PARPBP: variants seen among roughly 807,000 people sequenced by gnomAD.
The protein encoded by PARPBP is PCNA-interacting partner.
PARPBP carries 52 observed loss-of-function variants against 50.0 expected under a neutral mutation model. The observed-to-expected ratio is 1.04, with a 90% CI of 0.83 to 1.31. The LOEUF is 1.31. Ranked by LOEUF, PARPBP falls within the 50% of genes most tolerant of loss-of-function variation. PARPBP has a pLI of 0.00. For synonymous variants in PARPBP, 244 were observed against 232.1 expected (o/e 1.05, Z -0.47); for missense variants, 697 against 672.0 (o/e 1.04, Z -0.41).
chr12:102,129,827 T>G (rs1372911785), intron 2 of PARPBP, among the ~76,000 whole-genome samples: 1 of 152,110 alleles, frequency 6.6e-6, no homozygotes, highest in African/African-American at 2.4e-5. Context: ...CCAAAGCAAT[T>G]TATATATTTA....
chr12:102,124,012 C>T lies in PARPBP; in HGVS notation c.124C>T (p.Gln42Ter). Residue 42 changes from glutamine (Q) to a stop codon, truncating the protein, a stop_gained, in exon 2 of 11, where the codon CAG (glutamine) becomes TAG (stop). Coordinates refer to ENST00000327680, the MANE Select transcript of PARPBP (RefSeq NM_017915.5). LOFTEE classifies it high-confidence loss of function. ...TGCAGACTCCATGCTCTTGGCATTG[C>T]AGCTTTCTATGGCGGAGAACAACAA... ...CGADSMLLALQLSMAENNKQH... is the reference protein window; with the variant it reads ...CGADSMLLAL 25 of 1,535,240 alleles carry T rather than the reference C, an allele frequency of 1.6e-5. No homozygotes were observed. Among genetic ancestry groups the T allele is most frequent in the Non-Finnish European group, 2.2e-5 (25 of 1,146,246 alleles).
Position 102,148,354 on chromosome 12 carries a change from A to G in PARPBP, c.278A>G (p.Lys93Arg). Residue 93 changes from lysine to arginine, a missense_variant, in exon 3 of 11, where the codon AAG becomes AGG. Transcript: ENST00000327680. ...ACTGACCATTATGAGGACGTTAGGAAGATTTATGATGATTTCTTGAAGAAC... is the reference window on the plus strand; with the variant it reads ...ACTGACCATTATGAGGACGTTAGGAGGATTTATGATGATTTCTTGAAGAAC... ...DVTDHYEDVRKIYDDFLKNSN... is the reference protein window; with the variant it reads ...DVTDHYEDVRRIYDDFLKNSN... 1 of 1,589,106 alleles carries G rather than the reference A, an allele frequency of 6.3e-7. No homozygotes were observed. Among genetic ancestry groups the G allele is most frequent in the Non-Finnish European group, 8.6e-7 (1 of 1,157,536 alleles).
At chr12:102,163,027 A>T (rs954560601) in intron 4 of PARPBP, among the ~76,000 whole-genome samples, 1 of 152,152 alleles carries the variant, frequency 6.6e-6, no homozygotes, top group Non-Finnish European at 1.5e-5. Context: ...GTTTACTTTT[A>T]TAAAAGGTGT....
At chr12:102,148,713 C>T (rs558353997) in intron 3 of PARPBP, 9 of 308,410 alleles carry the variant, frequency 2.9e-5, no homozygotes, top group African/African-American at 1.7e-4. Flanking sequence ...TCAAAAATCC[C>T]TAACAAAGAA....
chr12:102,147,840 G>T (rs781334994), intron 2 of PARPBP, among the ~76,000 whole-genome samples: 1 of 151,624 alleles, frequency 6.6e-6, no homozygotes, highest in Non-Finnish European at 1.5e-5. Flanking sequence ...AAATAGATTC[G>T]CCAAAAGAAC....
intron 9 of PARPBP, among the ~76,000 whole-genome samples, chr12:102,193,418 A>G (rs1426107963): frequency 1.3e-5 from 2 of 151,940 alleles, no homozygotes; most frequent in Non-Finnish European, 1.5e-5. Context: ...ACATCTCCCA[A>G]GCTAACTCTA....
intron 2 of PARPBP, among the ~76,000 whole-genome samples, chr12:102,143,901 A>G (rs551822960): frequency 2.0e-5 from 3 of 152,330 alleles, no homozygotes; most frequent in African/African-American, 7.2e-5. Flanking sequence ...TGACTGTCAG[A>G]TTTGAAAATG....
In PARPBP at chr12:102,148,093, G is replaced by A. The variant is rs532198141; in HGVS notation, c.154-137G>A. Reference sequence around the variant, plus strand: ...CAAAATTGTCTCATAGTTCAACTTGGGTGTTCTCTTCAAACCCACAAAAAT... The same window carrying A: ...CAAAATTGTCTCATAGTTCAACTTGAGTGTTCTCTTCAAACCCACAAAAAT... On this transcript the variant is annotated intron_variant, in intron 2 of 10. Coordinates refer to ENST00000327680, the MANE Select transcript of PARPBP (RefSeq NM_017915.5). The A allele has an allele frequency of 1.8e-5, 8 of 454,086 alleles. No individual in the cohort carries two copies. The South Asian group carries it at 3.6e-4, about 21-fold the overall frequency. The allele number at this position is 454,086 out of a possible 1,614,324, so 28.1% of individuals were successfully genotyped here. A position where few individuals can be genotyped will look rare whatever the true frequency, so the allele number is the denominator to read the frequency against.
Position 102,196,697 on chromosome 12 carries a change from G to A in PARPBP, c.*406G>A. 2 of 1,606,722 alleles carry A rather than the reference G, an allele frequency of 1.2e-6. No individual in the cohort carries two copies. The highest frequency in any genetic ancestry group is 1.7e-6 in the Non-Finnish European group (2 of 1,174,194). Reference sequence around the variant, plus strand: ...GGTAGACTCTTCCCAGCATACATCTGAGCACTGAAGGAAGAAGAAAGTTTA... The same window carrying A: ...GGTAGACTCTTCCCAGCATACATCTAAGCACTGAAGGAAGAAGAAAGTTTA... On this transcript the variant is annotated 3_prime_UTR_variant, in exon 11 of 11. Transcript: ENST00000327680.
intron 1 of PARPBP, among the ~76,000 whole-genome samples, chr12:102,122,535 A>T (rs1338916199): frequency 1.3e-5 from 2 of 152,240 alleles, no homozygotes; most frequent in African/African-American, 2.4e-5. Flanking sequence ...GCATGTGAGT[A>T]TGTTGAGACT....
chr12:102,176,407 T>C (rs531563594), intron 7 of PARPBP, among the ~76,000 whole-genome samples: 1 of 152,374 alleles, frequency 6.6e-6, no homozygotes, highest in East Asian at 1.9e-4. Flanking sequence ...AGAAATTGCT[T>C]CCATTCAGCA....
Position 102,197,451 on chromosome 12 carries a change from A to T in PARPBP, c.*1160A>T. ...TTCTGTTTATAAAAGTATCAGTTTT[A>T]CTTTTCAGAGGATTTGTAAGAATCA... On this transcript the variant is annotated 3_prime_UTR_variant, in exon 11 of 11. Coordinates refer to ENST00000327680, the MANE Select transcript of PARPBP (RefSeq NM_017915.5). The T allele has an allele frequency of 7.3e-7, 1 of 1,363,786 alleles. No homozygotes were observed. The highest frequency in any genetic ancestry group is 1.0e-6 in the Non-Finnish European group (1 of 997,636). The allele number at this position is 1,363,786 out of a possible 1,614,324, so 84.5% of individuals were successfully genotyped here.
intron 6 of PARPBP, among the ~76,000 whole-genome samples, chr12:102,168,319 G>T (rs1888356719): frequency 6.6e-6 from 1 of 152,138 alleles, no homozygotes; most frequent in Non-Finnish European, 1.5e-5. Flanking sequence ...GAGGCATCTA[G>T]GGTGAGGGAA....
At chr12:102,189,225 T>C (rs1274042137) in intron 9 of PARPBP, among the ~76,000 whole-genome samples, 1 of 152,222 alleles carries the variant, frequency 6.6e-6, no homozygotes, top group Non-Finnish European at 1.5e-5. Flanking sequence ...AAATATAAAG[T>C]TGCCTATGGG....
intron 4 of PARPBP, among the ~76,000 whole-genome samples, chr12:102,156,664 G>C (rs1886980737): frequency 6.6e-6 from 1 of 151,952 alleles, no homozygotes; most frequent in Admixed American, 6.5e-5. Flanking sequence ...TTTTGAGGCA[G>C]AGGCTTACTG....
chr12:102,173,658 A>G (rs966364531), intron 6 of PARPBP, among the ~76,000 whole-genome samples: 2 of 151,982 alleles, frequency 1.3e-5, no homozygotes, highest in African/African-American at 4.8e-5. Flanking sequence ...AAACCATGCT[A>G]GCTTATTTTC....
At chr12:102,132,192 C>G (rs1882967375) in intron 2 of PARPBP, among the ~76,000 whole-genome samples, 1 of 147,456 alleles carries the variant, frequency 6.8e-6, no homozygotes, top group African/African-American at 2.5e-5. Flanking sequence ...GGGATAGCGA[C>G]AGAGCGAGAC....
intron 6 of PARPBP, among the ~76,000 whole-genome samples, chr12:102,174,584 T>G (rs1162382089): frequency 6.6e-6 from 1 of 152,196 alleles, no homozygotes; most frequent in Non-Finnish European, 1.5e-5. Context: ...GACTTCATGG[T>G]CTGTAGTCAG....
At chr12:102,123,840 A>G in intron 1 of PARPBP, 46 bp from the exon 2 acceptor site, 7 of 1,329,660 alleles carry the variant, frequency 5.3e-6, no homozygotes, top group Non-Finnish European at 7.3e-6. Context: ...TGTTAATTTC[A>G]GGTTAACATA....
Sources: gnomAD v4.1 joint callset for allele counts (sites outside exome capture counted in the v4.1 genomes callset) on GRCh38, gnomAD v4.1.1 for gene constraint, MANE v1.5 for transcripts, NCBI Gene and HGNC (gene_info 2026-07-23, HGNC 2026-07-21) for gene names.